Variants in ACSS3 observed in about 807,000 individuals in gnomAD.
The protein encoded by ACSS3 is acyl-CoA synthetase short-chain family member 3, mitochondrial.
Under a neutral mutation model 84.2 loss-of-function variants are expected in ACSS3, and 64 were observed. The observed-to-expected ratio is 0.76, with a 90% confidence interval of 0.62 to 0.94. The LOEUF (loss-of-function observed/expected upper bound fraction) is 0.94. ACSS3 is among the 40% of genes least tolerant of loss of function. ACSS3 has a pLI of 0.00. For missense variants in ACSS3, 815 were observed against 867.6 expected (o/e 0.94, Z 0.76); for synonymous variants, 317 against 310.1 (o/e 1.02, Z -0.23).
chr12:81,102,148 T>C (rs967847186), intron 1 of ACSS3, among the ~76,000 whole-genome samples: 11 of 151,914 alleles, frequency 7.2e-5, no homozygotes, highest in African/African-American at 2.7e-4. Flanking sequence ...AAGATATCGG[T>C]AGTTGAGTGA....
intron 1 of ACSS3, among the ~76,000 whole-genome samples, chr12:81,083,350 C>G (rs1881105484): frequency 2.4e-5 from 3 of 127,118 alleles, no homozygotes. Flanking sequence ...AAAAATTCAG[C>G]TTTTGGTCTT....
chr12:81,238,006 T>G (rs2033680822), intron 13 of ACSS3, among the ~76,000 whole-genome samples: 1 of 151,772 alleles, frequency 6.6e-6, no homozygotes, highest in African/African-American at 2.4e-5. Flanking sequence ...TGTAGATGGT[T>G]CATCACGAAA....
At chr12:81,095,204 C>A (rs1921353) in intron 1 of ACSS3, among the ~76,000 whole-genome samples, 55,874 of 151,874 alleles carry the variant, frequency 0.37, 10,709 homozygotes, top group East Asian at 0.48. Flanking sequence ...GGTTCTTTGC[C>A]AGCTCATCAT....
chr12:81,120,762 C>T (rs1884522091), intron 2 of ACSS3, among the ~76,000 whole-genome samples: 1 of 152,084 alleles, frequency 6.6e-6, no homozygotes, highest in Non-Finnish European at 1.5e-5. Context: ...ATATAGGTTG[C>T]ATTCATTAGA....
At chr12:81,227,252 A>G (rs1215295414) in intron 11 of ACSS3, among the ~76,000 whole-genome samples, 1 of 151,808 alleles carries the variant, frequency 6.6e-6, no homozygotes, top group Non-Finnish European at 1.5e-5. Flanking sequence ...TTTACTCTAA[A>G]TCTACTGACT....
Position 81,253,522 on chromosome 12 carries a change from T to G in ACSS3, c.1847T>G (p.Leu616Trp). ...ATAAATGCAACAGAGGAGCAAGTTTTGGAAGAAATTGTGAAACACGTTAGA... is the reference window on the plus strand; with the variant it reads ...ATAAATGCAACAGAGGAGCAAGTTTGGGAAGAAATTGTGAAACACGTTAGA... ...KDINATEEQVLEEIVKHVRQN... is the reference protein window; with the variant it reads ...KDINATEEQVWEEIVKHVRQN... The change falls in exon 15 of 16, where the codon TTG (leucine) becomes TGG (tryptophan). Residue 616 changes from leucine (L) to tryptophan (W), a missense_variant. Transcript: ENST00000548058. 1 of 1,613,906 alleles carries G rather than the reference T, an allele frequency of 6.2e-7. No homozygotes were observed. The highest frequency in any genetic ancestry group is 8.5e-7 in the Non-Finnish European group (1 of 1,179,882).
intron 2 of ACSS3, among the ~76,000 whole-genome samples, chr12:81,122,670 A>G (rs902946503): frequency 6.6e-6 from 1 of 152,146 alleles, no homozygotes; most frequent in Non-Finnish European, 1.5e-5. Context: ...TCAAACACTC[A>G]TTTGGGAAAG....
chr12:81,172,674 A>C (rs2030164223), intron 7 of ACSS3, among the ~76,000 whole-genome samples: 1 of 152,164 alleles, frequency 6.6e-6, no homozygotes, highest in South Asian at 2.1e-4. Flanking sequence ...ATGGTGTCAT[A>C]ATTATCTAAA....
chr12:81,181,747 C>CAAAAAAAA (rs59878486), intron 8 of ACSS3, among the ~76,000 whole-genome samples: 134 of 47,886 alleles, frequency 2.8e-3, no homozygotes, highest in East Asian at 5.2e-3. Context: ...ATCAATTAAG[C>CAAAAAAAA]AAAAAAAAAA....
intron 13 of ACSS3, among the ~76,000 whole-genome samples, chr12:81,242,858 T>C (rs1055132601): frequency 6.6e-6 from 1 of 152,064 alleles, no homozygotes; most frequent in South Asian, 2.1e-4. Context: ...GGGATGTATC[T>C]CAAAATAATA....
intron 1 of ACSS3, among the ~76,000 whole-genome samples, chr12:81,080,995 A>G (rs1316056086): frequency 6.6e-6 from 1 of 152,176 alleles, no homozygotes; most frequent in Non-Finnish European, 1.5e-5. Flanking sequence ...CGAGATTGCT[A>G]TAGCTAATTG....
At chr12:81,102,746 T>C (rs1484935583) in intron 1 of ACSS3, among the ~76,000 whole-genome samples, 1 of 151,816 alleles carries the variant, frequency 6.6e-6, no homozygotes, top group Non-Finnish European at 1.5e-5. Context: ...GGAGAACTGC[T>C]TGAGCCTGGG....
intron 13 of ACSS3, among the ~76,000 whole-genome samples, chr12:81,245,417 G>A (rs746684906): frequency 7.9e-5 from 12 of 152,168 alleles, no homozygotes; most frequent in East Asian, 1.9e-4. Flanking sequence ...AGCTGAGATC[G>A]CGCCACTGCA....
At position 81,078,344 on chromosome 12, in the gene ACSS3, G is replaced by T; in HGVS notation, c.224G>T (p.Arg75Met). ...GCAGCCTCGGTGACCGACCCCGAGA[G>T]GTTCTGGGGCAAAGCTGCCGAGCAG... ...HFAASVTDPERFWGKAAEQIS... is the reference protein window; with the variant it reads ...HFAASVTDPEMFWGKAAEQIS... Residue 75 changes from arginine (R) to methionine (M), a missense_variant, in exon 1 of 16, where the codon AGG (arginine) becomes ATG (methionine). Coordinates refer to ENST00000548058, the MANE Select transcript of ACSS3 (RefSeq NM_024560.4). The T allele has an allele frequency of 9.3e-6, 15 of 1,612,706 alleles. No individual in the cohort carries two copies. The highest frequency in any genetic ancestry group is 1.3e-5 in the Non-Finnish European group (15 of 1,180,010).
chr12:81,221,241 A>C (rs1012249576), intron 11 of ACSS3, among the ~76,000 whole-genome samples: 2 of 152,112 alleles, frequency 1.3e-5, no homozygotes, highest in African/African-American at 4.8e-5. Context: ...CCCTCTGATT[A>C]ACATGATATT....
intron 7 of ACSS3, among the ~76,000 whole-genome samples, chr12:81,159,170 A>T (rs552578348): frequency 3.1e-4 from 47 of 152,282 alleles, no homozygotes; most frequent in Non-Finnish European, 6.8e-4. Flanking sequence ...ATTTACTTTT[A>T]TCAGTGGAAT....
At chr12:81,085,526 A>G (rs929808584) in intron 1 of ACSS3, among the ~76,000 whole-genome samples, 2 of 152,232 alleles carry the variant, frequency 1.3e-5, no homozygotes, top group Non-Finnish European at 2.9e-5. Context: ...TCTTAAGGCC[A>G]CACAGCTAGT....
chr12:81,112,967 C>G (rs1401972723), intron 2 of ACSS3, among the ~76,000 whole-genome samples: 1 of 152,040 alleles, frequency 6.6e-6, no homozygotes, highest in Non-Finnish European at 1.5e-5. Flanking sequence ...ATCATTTTTT[C>G]TATAGATCTG....
intron 13 of ACSS3, among the ~76,000 whole-genome samples, chr12:81,245,237 G>A (rs1028181169): frequency 1.3e-5 from 2 of 152,092 alleles, no homozygotes; most frequent in East Asian, 1.9e-4. Context: ...CGAGATGGGT[G>A]GATCACGAGG....
Sources: gnomAD v4.1 joint callset for allele counts (sites outside exome capture counted in the v4.1 genomes callset) on GRCh38, gnomAD v4.1.1 for gene constraint, MANE v1.5 for transcripts, NCBI Gene and HGNC (gene_info 2026-07-23, HGNC 2026-07-21) for gene names.